The following KAZN variants were observed in gnomAD, a reference collection of about 807,000 sequenced individuals.
KAZN encodes the protein kazrin, periplakin interacting protein.
A neutral mutation model predicts 87.4 loss-of-function variants in KAZN; 40 were observed. The observed-to-expected ratio is 0.46, with a 90% CI of 0.36 to 0.60. KAZN has a LOEUF of 0.60. Among genes scored for constraint, KAZN ranks in the 20% least tolerant of loss-of-function variants. KAZN has a pLI of 0.00. For synonymous variants in KAZN, 466 were observed against 458.3 expected (o/e 1.02, Z -0.22); for missense variants, 898 against 1,073.9 (o/e 0.84, Z 2.29).
intron 1 of KAZN, among the ~76,000 whole-genome samples, chr1:14,728,153 G>T (rs1643495560): frequency 6.6e-6 from 1 of 151,926 alleles, no homozygotes; most frequent in South Asian, 2.1e-4. Context: ...GGGTATGGTT[G>T]CGTGCACCTG....
chr1:15,011,824 G>A (rs1281401456), intron 2 of KAZN, among the ~76,000 whole-genome samples: 1 of 152,164 alleles, frequency 6.6e-6, no homozygotes, highest in Non-Finnish European at 1.5e-5. Flanking sequence ...AGGGTTGGGG[G>A]CGGGGCACCA....
intron 8 of KAZN, among the ~76,000 whole-genome samples, chr1:15,073,864 G>T (rs1031005282): frequency 6.6e-6 from 1 of 152,236 alleles, no homozygotes; most frequent in Non-Finnish European, 1.5e-5. Flanking sequence ...TAAACTGGGG[G>T]CAAGTCAGCC....
At chr1:14,271,501 C>T (rs1651924663) in intron 2 of KAZN, among the ~76,000 whole-genome samples, 1 of 152,218 alleles carries the variant, frequency 6.6e-6, no homozygotes. Flanking sequence ...GAACAGAAAT[C>T]TAGCCGTCCA....
At chr1:14,678,398 G>A (rs971136803) in intron 1 of KAZN, among the ~76,000 whole-genome samples, 11 of 152,120 alleles carry the variant, frequency 7.2e-5, no homozygotes, top group African/African-American at 1.7e-4. Context: ...AGGGGCTCTC[G>A]GGCCTTTGGC....
chr1:14,582,669 A>G (rs1478212342), intron 2 of KAZN, among the ~76,000 whole-genome samples: 1 of 152,200 alleles, frequency 6.6e-6, no homozygotes, highest in Non-Finnish European at 1.5e-5. Flanking sequence ...GGTGGGAAGC[A>G]CCACTAACCT....
intron 2 of KAZN, among the ~76,000 whole-genome samples, chr1:14,235,469 T>G (rs952465823): frequency 2.0e-5 from 3 of 152,056 alleles, no homozygotes; most frequent in Admixed American, 2.0e-4. Context: ...ATGTAGGGAG[T>G]GACCACTATT....
chr1:14,183,616 GATTA>G (rs1646244838), intron 2 of KAZN, among the ~76,000 whole-genome samples: 2 of 152,202 alleles, frequency 1.3e-5, no homozygotes, highest in South Asian at 4.1e-4. Flanking sequence ...TTCTGGTAGA[GATTA>G]ATTCTTTTAC....
intron 1 of KAZN, among the ~76,000 whole-genome samples, chr1:14,837,540 T>C (rs920909152): frequency 6.8e-6 from 1 of 147,606 alleles, no homozygotes; most frequent in African/African-American, 2.5e-5. Flanking sequence ...TTCATTCCCA[T>C]AGCTGTATAA....
At chr1:14,731,731 G>A (rs1198599482) in intron 1 of KAZN, among the ~76,000 whole-genome samples, 1 of 152,228 alleles carries the variant, frequency 6.6e-6, no homozygotes. Flanking sequence ...TGTGCTGGGA[G>A]GATGGAGAAG....
chr1:14,179,400 C>A (rs1046868347), intron 1 of KAZN, among the ~76,000 whole-genome samples: 1 of 152,188 alleles, frequency 6.6e-6, no homozygotes, highest in African/African-American at 2.4e-5. Flanking sequence ...GGATCACAAT[C>A]CCATGTTGTC....
intron 1 of KAZN, among the ~76,000 whole-genome samples, chr1:14,159,063 A>G (rs1375772006): frequency 2.0e-5 from 3 of 152,116 alleles, no homozygotes; most frequent in Admixed American, 6.6e-5. Context: ...CCTGAAGCCA[A>G]CAAAGCACTG....
Position 14,686,323 on chromosome 1 carries a change from A to T in KAZN, c.226+87100A>T, listed in dbSNP as rs188072844. ...CATGATCCACCTGCCTCGACCTCCC[A>T]AAGTGCTGGGATTACAGGCGTGAGC... On this transcript the variant is annotated intron_variant, in intron 1 of 14. Transcript: ENST00000376030. Among the ~76,000 whole-genome samples the T allele has an allele frequency of 1.4e-4, 22 of 152,262 alleles. No individual in the cohort carries two copies. In the East Asian group the frequency reaches 3.7e-3, roughly 25 times the overall value.
chr1:14,782,764 T>C (rs899703883), intron 1 of KAZN, among the ~76,000 whole-genome samples: 6 of 152,146 alleles, frequency 3.9e-5, no homozygotes, highest in African/African-American at 1.4e-4. Context: ...CTTAGTATGT[T>C]TCCTGATTAA....
intron 2 of KAZN, among the ~76,000 whole-genome samples, chr1:14,289,592 T>A (rs1053108717): frequency 2.0e-5 from 3 of 152,106 alleles, no homozygotes; most frequent in Non-Finnish European, 2.9e-5. Flanking sequence ...ATAAGATGGG[T>A]CTCCCGAATA....
chr1:14,633,260 G>A (rs1348226152), intron 1 of KAZN, among the ~76,000 whole-genome samples: 1 of 152,100 alleles, frequency 6.6e-6, no homozygotes, highest in Non-Finnish European at 1.5e-5. Flanking sequence ...ATTAGATACT[G>A]GTAGGCTCAA....
chr1:14,400,975 T>C (rs1170866158), intron 2 of KAZN, among the ~76,000 whole-genome samples: 1 of 152,212 alleles, frequency 6.6e-6, no homozygotes, highest in African/African-American at 2.4e-5. Flanking sequence ...GTGCTGGACA[T>C]CTACTAACAG....
At chr1:14,582,839 A>G (rs906364426) in intron 2 of KAZN, among the ~76,000 whole-genome samples, 47 of 152,158 alleles carry the variant, frequency 3.1e-4, no homozygotes, top group African/African-American at 1.1e-3. Context: ...ACATATCTTC[A>G]CTCAAAAACA....
intron 1 of KAZN, among the ~76,000 whole-genome samples, chr1:13,953,150 G>A (rs953230284): frequency 5.9e-5 from 9 of 152,076 alleles, no homozygotes; most frequent in Non-Finnish European, 1.2e-4. Flanking sequence ...CAGAGCTTCC[G>A]CAGTTCTTCC....
At chr1:14,117,053 C>T (rs1031499542) in intron 1 of KAZN, among the ~76,000 whole-genome samples, 4 of 152,178 alleles carry the variant, frequency 2.6e-5, no homozygotes, top group Non-Finnish European at 5.9e-5. Flanking sequence ...TTTACAGACT[C>T]ATAGGTGCAA....
Sources: gnomAD v4.1 joint callset for allele counts (sites outside exome capture counted in the v4.1 genomes callset) on GRCh38, gnomAD v4.1.1 for gene constraint, MANE v1.5 for transcripts, NCBI Gene and HGNC (gene_info 2026-07-23, HGNC 2026-07-21) for gene names.